LIMCH1: variants seen among roughly 807,000 people sequenced by gnomAD.
The protein encoded by LIMCH1 is LIM and calponin homology domains-containing protein 1.
A neutral mutation model predicts 176.5 loss-of-function variants in LIMCH1; 113 were observed. That is an observed-to-expected ratio of 0.64 (90% confidence interval 0.55 to 0.75). The LOEUF is 0.75. LIMCH1 is among the 30% of genes least tolerant of loss of function. The probability of loss-of-function intolerance (pLI) is 0.00; values close to 1 mark genes in which losing one functional copy is unlikely to be tolerated. For missense variants in LIMCH1, 1,674 were observed against 1,814.9 expected, an observed-to-expected ratio of 0.92 and a Z score of 1.41; for synonymous variants, 619 against 645.9, an observed-to-expected ratio of 0.96 and a Z score of 0.63.
chr4:41,644,384 G>A (rs1463091001), intron 14 of LIMCH1, 116 bp from the exon 15 acceptor site: 12 of 1,308,452 alleles, frequency 9.2e-6, no homozygotes, highest in African/African-American at 1.5e-5. Flanking sequence ...CGCAGCCCGG[G>A]AAGGGGGCAG....
upstream of LIMCH1, among the ~76,000 whole-genome samples, chr4:41,359,979 C>G (rs1580970490): frequency 6.6e-6 from 1 of 151,900 alleles, no homozygotes; most frequent in East Asian, 1.9e-4. Flanking sequence ...GTAGATACCT[C>G]GAGGGCAAGG....
At chr4:41,691,693 G>C (rs1237841559) in intron 30 of LIMCH1, among the ~76,000 whole-genome samples, 1 of 151,884 alleles carries the variant, frequency 6.6e-6, no homozygotes, top group Non-Finnish European at 1.5e-5. Flanking sequence ...AGCCCAGGAA[G>C]TGGAGGTTGC....
chr4:41,454,847 C>A lies in LIMCH1; in HGVS notation c.97-39689C>A, dbSNP rs549446684. The stretch of plus-strand genomic sequence containing the variant: ...GCTCAGTGGTGAGAAGATGAGAGAT[C>A]GAAATCCTGACCTTCTCTGATTCTG... On this transcript the variant is annotated intron_variant, in intron 1 of 26. Transcript: ENST00000313860. 1.3e-4 allele frequency among the ~76,000 whole-genome samples: 20 copies of A among 151,926 alleles called. No individual in the cohort carries two copies. The South Asian group carries it at 1.5e-3, about 11-fold the overall frequency.
At chr4:41,545,884 C>T (rs563855258) in intron 1 of LIMCH1, among the ~76,000 whole-genome samples, 3 of 151,872 alleles carry the variant, frequency 2.0e-5, no homozygotes, top group South Asian at 4.2e-4. Context: ...TTTTTTTGGC[C>T]ATAGTTTACA....
At chr4:41,502,119 G>T (rs117822500) in intron 2 of LIMCH1, among the ~76,000 whole-genome samples, 22 of 144,258 alleles carry the variant, frequency 1.5e-4, no homozygotes, top group African/African-American at 5.7e-4. Flanking sequence ...TGTCCATGTG[G>T]TCTCATCATT....
At chr4:41,421,309 T>C (rs1359798920) in intron 1 of LIMCH1, among the ~76,000 whole-genome samples, 1 of 152,164 alleles carries the variant, frequency 6.6e-6, no homozygotes, top group Non-Finnish European at 1.5e-5. Context: ...GAACCAAGAC[T>C]TAAATGGCGG....
intron 28 of LIMCH1, among the ~76,000 whole-genome samples, chr4:41,686,817 A>G (rs2153067290): frequency 6.6e-6 from 1 of 152,246 alleles, no homozygotes; most frequent in Admixed American, 6.5e-5. Flanking sequence ...TCCCAGTGCA[A>G]TATTTGAACC....
At position 41,698,392 on chromosome 4, in the gene LIMCH1, T is replaced by G. The variant is rs1174037413; in HGVS notation, c.*1207T>G. Reference sequence around the variant, plus strand: ...ATGGAGAAGTTTAGAGAGGAACTCTTGTGGAGAGCTGGTTTATTTTCTGCC... The same window carrying G: ...ATGGAGAAGTTTAGAGAGGAACTCTGGTGGAGAGCTGGTTTATTTTCTGCC... On this transcript the variant is annotated 3_prime_UTR_variant, in exon 32 of 32. Coordinates refer to ENST00000503057, the MANE Select transcript of LIMCH1 (RefSeq NM_001330672.2). 6.6e-6 allele frequency: 1 copy of G among 152,174 alleles called. No individual in the cohort carries two copies. The highest frequency in any genetic ancestry group is 1.5e-5 in the Non-Finnish European group (1 of 68,056). The allele number at this position is 152,174 out of a possible 1,614,324, so 9.4% of individuals were successfully genotyped here. A position where few individuals can be genotyped will look rare whatever the true frequency, so the allele number is the denominator to read the frequency against.
intron 1 of LIMCH1, among the ~76,000 whole-genome samples, chr4:41,411,606 A>G (rs905152312): frequency 1.3e-5 from 2 of 151,806 alleles, no homozygotes; most frequent in Admixed American, 6.6e-5. Flanking sequence ...TGCCGGATTG[A>G]TCGCTCCACC....
At chr4:41,613,379 G>A (rs924104766) in intron 4 of LIMCH1, 87 bp from the exon 5 acceptor site, 5 of 1,143,642 alleles carry the variant, frequency 4.4e-6, no homozygotes, top group Non-Finnish European at 6.3e-6. Context: ...ATATGCAGGG[G>A]TTTTTTTGGA....
intron 1 of LIMCH1, among the ~76,000 whole-genome samples, chr4:41,540,394 A>G (rs2078472795): frequency 6.6e-6 from 1 of 152,164 alleles, no homozygotes; most frequent in South Asian, 2.1e-4. Flanking sequence ...ATCATGATTC[A>G]GTGATTTTTA....
chr4:41,501,857 CTTTTTTTTTTT>C (rs71198662), intron 2 of LIMCH1, among the ~76,000 whole-genome samples: 20 of 74,980 alleles, frequency 2.7e-4, no homozygotes, highest in South Asian at 1.9e-3. Flanking sequence ...GTGTAGAATC[CTTTTTTTTTTT>C]TTTTTTTTTT....
intron 1 of LIMCH1, among the ~76,000 whole-genome samples, chr4:41,462,326 T>G (rs1014753650): frequency 2.0e-5 from 3 of 152,230 alleles, no homozygotes; most frequent in Admixed American, 1.3e-4. Context: ...ATTCCATCTC[T>G]CTGGGAGAAA....
intron 1 of LIMCH1, among the ~76,000 whole-genome samples, chr4:41,410,835 CACTTG>C (rs2059414258): frequency 6.6e-6 from 1 of 152,190 alleles, no homozygotes; most frequent in Non-Finnish European, 1.5e-5. Context: ...TTTTTCTCTA[CACTTG>C]ACTTCCATCT....
intron 1 of LIMCH1, among the ~76,000 whole-genome samples, chr4:41,456,458 C>A (rs1195810114): frequency 6.6e-6 from 1 of 152,228 alleles, no homozygotes; most frequent in South Asian, 2.1e-4. Flanking sequence ...GACAAAATTG[C>A]TTTTTTATCA....
intron 1 of LIMCH1, among the ~76,000 whole-genome samples, chr4:41,596,268 G>A (rs1284945527): frequency 6.6e-6 from 1 of 151,176 alleles, no homozygotes; most frequent in Non-Finnish European, 1.5e-5. Context: ...ACATCCACAT[G>A]TACTTCTTCC....
chr4:41,401,471 C>T (rs2058430908), intron 1 of LIMCH1, among the ~76,000 whole-genome samples: 1 of 152,144 alleles, frequency 6.6e-6, no homozygotes, highest in South Asian at 2.1e-4. Context: ...AGCATGATGC[C>T]TCCAGCTTTG....
At chr4:41,575,426 G>T (rs2084299422) in intron 1 of LIMCH1, among the ~76,000 whole-genome samples, 1 of 152,172 alleles carries the variant, frequency 6.6e-6, no homozygotes, top group South Asian at 2.1e-4. Flanking sequence ...TCATTCAGGG[G>T]TGTATTCTTT....
At chr4:41,385,818 A>T (rs1243359615) in intron 1 of LIMCH1, 1 of 152,204 alleles carries the variant, frequency 6.6e-6, no homozygotes, top group Non-Finnish European at 1.5e-5. Flanking sequence ...GGTGGCGTAT[A>T]TATTGACACT....
Sources: allele counts gnomAD v4.1 joint callset (sites outside exome capture counted in the v4.1 genomes callset), GRCh38; gene constraint gnomAD v4.1.1; transcripts MANE v1.5; gene names NCBI Gene and HGNC (gene_info 2026-07-23, HGNC 2026-07-21).